Variants in SERPINI1 observed in about 807,000 individuals in gnomAD.
The protein encoded by SERPINI1 is serpin family I member 1, also known as neuroserpin.
In SERPINI1, 19 loss-of-function variants were observed where a neutral mutation model predicts 41.1. That is an observed-to-expected ratio of 0.46 (90% confidence interval 0.32 to 0.68). The LOEUF (loss-of-function observed/expected upper bound fraction) is 0.68, where lower values mean the gene tolerates loss of function less well. Among genes scored for constraint, SERPINI1 ranks in the 30% least tolerant of loss-of-function variants. SERPINI1 has a pLI of 0.03. For synonymous variants in SERPINI1, 138 were observed against 156.6 expected, an observed-to-expected ratio of 0.88 and a Z score of 0.89; for missense variants, 460 against 479.2, an observed-to-expected ratio of 0.96 and a Z score of 0.37.
chr3:167,777,296 C>T (rs73878776), intron 1 of SERPINI1, among the ~76,000 whole-genome samples: 9,858 of 151,808 alleles, frequency 0.065, 1,059 homozygotes, highest in African/African-American at 0.22. Flanking sequence ...TTGACAATGT[C>T]ATATTTTTTC....
At chr3:167,807,426 A>G (rs1577429747) in intron 6 of SERPINI1, 85 bp downstream of exon 6, 1 of 894,032 alleles carries the variant, frequency 1.1e-6, no homozygotes, top group East Asian at 2.5e-5. Context: ...TTTACTATGG[A>G]GTTCTGGGGT....
At chr3:167,799,603 T>C (rs1182452373) in intron 5 of SERPINI1, among the ~76,000 whole-genome samples, 1 of 152,138 alleles carries the variant, frequency 6.6e-6, no homozygotes, top group African/African-American at 2.4e-5. Flanking sequence ...TTCTAGATCC[T>C]TGAGGAATTG....
chr3:167,766,472 C>G (rs896397271), intron 1 of SERPINI1, among the ~76,000 whole-genome samples: 1 of 152,200 alleles, frequency 6.6e-6, no homozygotes, highest in African/African-American at 2.4e-5. Flanking sequence ...CACTGGGTCT[C>G]TCCCACAACA....
chr3:167,740,202 T>A (rs942578013), intron 1 of SERPINI1, among the ~76,000 whole-genome samples: 44 of 152,054 alleles, frequency 2.9e-4, no homozygotes, highest in African/African-American at 1.1e-3. Context: ...TCAGCTAATT[T>A]TAACTTTTTA....
At chr3:167,798,830 A>T (rs1470441294) in intron 5 of SERPINI1, among the ~76,000 whole-genome samples, 2 of 152,136 alleles carry the variant, frequency 1.3e-5, no homozygotes, top group African/African-American at 2.4e-5. Context: ...GACACTGAGG[A>T]TGACTAGAGG....
At chr3:167,820,941 C>G (rs1232341944) in intron 6 of SERPINI1, among the ~76,000 whole-genome samples, 1 of 152,164 alleles carries the variant, frequency 6.6e-6, no homozygotes, top group African/African-American at 2.4e-5. Flanking sequence ...TATAAAAACC[C>G]CCAAACTCAG....
chr3:167,824,563 G>T lies in SERPINI1; in HGVS notation c.1156+1G>T. The stretch of plus-strand genomic sequence containing the variant: ...TTTCTTATCAGAAACAGGAGAACTG[G>T]TAAGTTTATTATGAAAACAAAATTT... On this transcript the variant is annotated splice_donor_variant, in intron 8 of 8. Coordinates refer to ENST00000446050, the MANE Select transcript of SERPINI1 (RefSeq NM_001122752.2). LOFTEE classifies it high-confidence loss of function. 3.1e-6 allele frequency: 5 copies of T among 1,605,998 alleles called. No homozygotes were observed. Among genetic ancestry groups the T allele is most frequent in the Non-Finnish European group, 4.3e-6 (5 of 1,173,176 alleles).
At chr3:167,772,889 TATATACACACACACACACAC>T (rs1372794282) in intron 1 of SERPINI1, among the ~76,000 whole-genome samples, 3,076 of 76,628 alleles carry the variant, frequency 0.04, 95 homozygotes, top group African/African-American at 0.072. Flanking sequence ...TATATATATA[TATATACACACACACACACAC>T]ACACACACAC....
intron 1 of SERPINI1, among the ~76,000 whole-genome samples, chr3:167,785,836 TG>T (rs1398872880): frequency 1.3e-5 from 2 of 152,244 alleles, no homozygotes; most frequent in Non-Finnish European, 2.9e-5. Flanking sequence ...TTAAATGCAG[TG>T]GTTTCCAAAT....
chr3:167,780,372 A>G (rs1288986425), intron 1 of SERPINI1, among the ~76,000 whole-genome samples: 1 of 152,120 alleles, frequency 6.6e-6, no homozygotes, highest in East Asian at 1.9e-4. Context: ...TTACACAGCT[A>G]ATTTTGAAAG....
intron 1 of SERPINI1, among the ~76,000 whole-genome samples, chr3:167,784,699 T>C (rs1727248289): frequency 6.6e-6 from 1 of 152,144 alleles, no homozygotes; most frequent in African/African-American, 2.4e-5. Context: ...ACTCACTCAC[T>C]ATTATGAGAA....
intron 1 of SERPINI1, among the ~76,000 whole-genome samples, chr3:167,736,558 A>T (rs1725450376): frequency 6.6e-6 from 1 of 152,194 alleles, no homozygotes; most frequent in Non-Finnish European, 1.5e-5. Flanking sequence ...GTCCGATAAT[A>T]TGTGTACATT....
rs771996585 is a variant in SERPINI1, at chr3:167,823,008, C to G, written c.1002C>G (p.Ser334=). The G allele has an allele frequency of 4.4e-6, 7 of 1,608,472 alleles. No individual in the cohort carries two copies. The East Asian group carries it at 1.3e-4, about 31-fold the overall frequency. The change falls in exon 7 of 9, where the codon TCC becomes TCG. Residue 334 remains serine (S), a synonymous_variant. Transcript: ENST00000446050. ...GLSDNKEIFL[S]KAIHKSFLEV... is the part of the protein sequence containing the mutation. ...CAGATAATAAGGAGATTTTTCTTTCCAAAGCAATTCACAAGTCCTTCCTAG... is the reference window on the plus strand; with the variant it reads ...CAGATAATAAGGAGATTTTTCTTTCGAAAGCAATTCACAAGTCCTTCCTAG...
Position 167,789,167 on chromosome 3 carries a change from A to C in SERPINI1, c.39A>C (p.Gln13His). 1 of 1,614,176 alleles carries C rather than the reference A, an allele frequency of 6.2e-7. No individual in the cohort carries two copies. Among genetic ancestry groups the C allele is most frequent in the South Asian group, 1.1e-5 (1 of 91,086 alleles). ...FLGLFSLLVL[Q>H]SMATGATFPE... Reference sequence around the variant, plus strand: ...GACTCTTCTCTTTGCTGGTTCTGCAAAGTATGGCTACAGGGGCCACTTTCC... The same window carrying C: ...GACTCTTCTCTTTGCTGGTTCTGCACAGTATGGCTACAGGGGCCACTTTCC... The change falls in exon 2 of 9, where the codon CAA becomes CAC. Residue 13 changes from glutamine to histidine, a missense_variant. By Grantham distance (24) the Gln-to-His change is conservative. Coordinates refer to ENST00000446050, the MANE Select transcript of SERPINI1 (RefSeq NM_001122752.2).
intron 1 of SERPINI1, among the ~76,000 whole-genome samples, chr3:167,750,123 G>A (rs1725997358): frequency 6.6e-6 from 1 of 152,170 alleles, no homozygotes; most frequent in Admixed American, 6.5e-5. Flanking sequence ...TGCTTAAAAA[G>A]TAAATTCACA....
intron 5 of SERPINI1, among the ~76,000 whole-genome samples, chr3:167,796,717 A>G (rs77364641): frequency 6.7e-6 from 1 of 150,088 alleles, no homozygotes; most frequent in Non-Finnish European, 1.5e-5. Context: ...ATAGTATTCC[A>G]TGGTGTATAT....
intron 6 of SERPINI1, among the ~76,000 whole-genome samples, chr3:167,821,480 G>T (rs1415426835): frequency 6.6e-6 from 1 of 152,198 alleles, no homozygotes; most frequent in South Asian, 2.1e-4. Flanking sequence ...ATCCATGCCA[G>T]TGCCTGGAGC....
At chr3:167,799,150 A>G (rs907534071) in intron 5 of SERPINI1, among the ~76,000 whole-genome samples, 4 of 151,290 alleles carry the variant, frequency 2.6e-5, no homozygotes, top group Admixed American at 2.6e-4. Flanking sequence ...CCATCAACCC[A>G]TCACCTACAT....
chr3:167,758,224 A>AT (rs1407654441), intron 1 of SERPINI1, among the ~76,000 whole-genome samples: 1 of 152,166 alleles, frequency 6.6e-6, no homozygotes. Flanking sequence ...ATCAAGCTAC[A>AT]TTTTTAAAGA....
Sources: gnomAD v4.1 joint callset for allele counts (sites outside exome capture counted in the v4.1 genomes callset) on GRCh38, gnomAD v4.1.1 for gene constraint, MANE v1.5 for transcripts, NCBI Gene and HGNC (gene_info 2026-07-23, HGNC 2026-07-21) for gene names.